Variants in PDE10A observed in about 807,000 individuals in gnomAD.
PDE10A encodes cAMP and cAMP-inhibited cGMP 3',5'-cyclic phosphodiesterase 10A.
Under a neutral mutation model 97.7 loss-of-function variants are expected in PDE10A, and 39 were observed. The ratio of observed to expected loss-of-function variants is 0.40; its 90% CI spans 0.31 to 0.52. PDE10A has a LOEUF of 0.52. Ranked by LOEUF, PDE10A falls within the 20% of genes least tolerant of loss-of-function variation. The probability of loss-of-function intolerance (pLI) is 0.56; values close to 1 mark genes in which losing one functional copy is unlikely to be tolerated. For synonymous variants in PDE10A, 371 were observed against 376.8 expected (o/e 0.98, Z 0.18); for missense variants, 731 against 1,047.8 (o/e 0.70, Z 4.17).
intron 1 of PDE10A, among the ~76,000 whole-genome samples, chr6:165,562,980 C>G (rs1343773084): frequency 6.6e-6 from 1 of 152,010 alleles, no homozygotes; most frequent in Admixed American, 6.6e-5. Flanking sequence ...TAAGAATTAT[C>G]CACAGAAAGC....
In PDE10A at chr6:165,432,966, G is replaced by A; in HGVS notation, c.1491+8C>T. 1 of 1,611,758 alleles carries A rather than the reference G, an allele frequency of 6.2e-7. No individual in the cohort carries two copies. Among genetic ancestry groups the A allele is most frequent in the Non-Finnish European group, 8.5e-7 (1 of 1,178,632 alleles). On this transcript the variant is annotated splice_region_variant and intron_variant, in intron 7 of 21. Transcript: ENST00000539869. ...AAAATTCTAACATGCAGCATTTAAA[G>A]GCCTTACCTCCTGGTGACTAAGACA... is the stretch of plus-strand genomic sequence containing the variant.
At chr6:165,766,423 C>T (rs1199659525) in intron 1 of PDE10A, among the ~76,000 whole-genome samples, 3 of 152,210 alleles carry the variant, frequency 2.0e-5, no homozygotes, top group Non-Finnish European at 4.4e-5. Context: ...CTTATCCTCA[C>T]TGTTAATTTG....
At chr6:165,406,067 G>GA (rs911339397) in intron 13 of PDE10A, among the ~76,000 whole-genome samples, 1 of 150,664 alleles carries the variant, frequency 6.6e-6, no homozygotes, top group Non-Finnish European at 1.5e-5. Flanking sequence ...ACCAAAAGAA[G>GA]AAAAAAAAAG....
intron 1 of PDE10A, among the ~76,000 whole-genome samples, chr6:165,812,916 A>T (rs1327438819): frequency 6.6e-6 from 1 of 152,186 alleles, no homozygotes; most frequent in Non-Finnish European, 1.5e-5. Flanking sequence ...TTCATGGACT[A>T]GAAATCCTGG....
chr6:165,744,506 C>T (rs550438726), intron 1 of PDE10A, among the ~76,000 whole-genome samples: 92 of 152,058 alleles, frequency 6.1e-4, no homozygotes, highest in African/African-American at 2.1e-3. Flanking sequence ...AGATAAGTGG[C>T]CTATACACAT....
intron 2 of PDE10A, among the ~76,000 whole-genome samples, chr6:165,485,594 CT>C (rs761374906): frequency 3.0e-3 from 416 of 138,984 alleles, no homozygotes; most frequent in Middle Eastern, 0.011. Context: ...TGACAGCATC[CT>C]TTTTTTTTTT....
chr6:165,477,393 C>T (rs1415831571), intron 3 of PDE10A, among the ~76,000 whole-genome samples: 1 of 152,136 alleles, frequency 6.6e-6, no homozygotes, highest in Non-Finnish European at 1.5e-5. Flanking sequence ...CCACTGAGCA[C>T]GGTGCCTGTG....
intron 18 of PDE10A, among the ~76,000 whole-genome samples, chr6:165,358,300 C>T (rs1399135945): frequency 6.7e-6 from 1 of 149,960 alleles, no homozygotes; most frequent in East Asian, 2.1e-4. Context: ...GGATATAAAA[C>T]TCTCCAACTA....
At chr6:165,858,323 G>A (rs1780806958) in intron 1 of PDE10A, among the ~76,000 whole-genome samples, 1 of 152,168 alleles carries the variant, frequency 6.6e-6, no homozygotes, top group African/African-American at 2.4e-5. Context: ...TGTTTTGAGG[G>A]AGTGCTCCCG....
Position 165,464,185 on chromosome 6 carries a change from T to TACAC in PDE10A, c.1024-13827_1024-13824dup, listed in dbSNP as rs769183918. Among the ~76,000 whole-genome samples the TACAC allele has an allele frequency of 6.6e-5, 10 of 152,184 alleles. No individual in the cohort carries two copies. The East Asian group carries it at 1.7e-3, about 26-fold the overall frequency. On this transcript the variant is annotated intron_variant, in intron 3 of 21. Coordinates refer to ENST00000539869, the MANE Select transcript of PDE10A (RefSeq NM_001385079.1). ...AACCGAGCTGGTCTCGGCATATACA[T>TACAC]ACACACACATACACACACAAACACA...
intron 1 of PDE10A, among the ~76,000 whole-genome samples, chr6:165,928,254 T>A (rs1398497163): frequency 6.6e-6 from 1 of 151,912 alleles, no homozygotes; most frequent in Admixed American, 6.6e-5. Flanking sequence ...TTCCCTGGAG[T>A]TGGTGATGAG....
chr6:165,636,399 A>G (rs1438119851), intron 1 of PDE10A, among the ~76,000 whole-genome samples: 1 of 152,272 alleles, frequency 6.6e-6, no homozygotes, highest in East Asian at 1.9e-4. Context: ...TTGCCAAGTT[A>G]CATTTATGAA....
intron 2 of PDE10A, among the ~76,000 whole-genome samples, chr6:165,537,742 A>G (rs1783178032): frequency 6.6e-6 from 1 of 151,934 alleles, no homozygotes; most frequent in African/African-American, 2.4e-5. Flanking sequence ...TCAGATCAAG[A>G]CATTCAACAC....
At chr6:165,944,602 T>C (rs555141215) in intron 1 of PDE10A, among the ~76,000 whole-genome samples, 1 of 152,336 alleles carries the variant, frequency 6.6e-6, no homozygotes, top group Non-Finnish European at 1.5e-5. Context: ...TTGTCACTAA[T>C]AAAGTTTTTG....
intron 3 of PDE10A, among the ~76,000 whole-genome samples, chr6:165,461,783 T>A (rs529894223): frequency 1.3e-5 from 2 of 152,248 alleles, no homozygotes; most frequent in African/African-American, 4.8e-5. Context: ...TTAACCCATG[T>A]TAATGCCTCT....
chr6:165,561,509 C>T (rs1049969635), intron 1 of PDE10A, among the ~76,000 whole-genome samples: 2 of 152,128 alleles, frequency 1.3e-5, no homozygotes, highest in African/African-American at 4.8e-5. Flanking sequence ...ATCACAAATA[C>T]ACCATCAGAA....
intron 3 of PDE10A, among the ~76,000 whole-genome samples, chr6:165,465,405 A>C (rs776967423): frequency 5.9e-5 from 9 of 152,202 alleles, no homozygotes; most frequent in Non-Finnish European, 1.2e-4. Context: ...CACTATGGGG[A>C]AAAGAGAAAA....
intron 1 of PDE10A, among the ~76,000 whole-genome samples, chr6:165,848,447 C>T (rs957678656): frequency 6.6e-6 from 1 of 152,182 alleles, no homozygotes. Flanking sequence ...AGAAGGCAGC[C>T]TTTGTACAAA....
chr6:165,799,713 A>G (rs6905324), intron 1 of PDE10A, among the ~76,000 whole-genome samples: 68,906 of 151,998 alleles, frequency 0.45, 15,765 homozygotes, highest in East Asian at 0.57. Flanking sequence ...GAAATTTTTT[A>G]GACTTATAAC....
Sources: gnomAD v4.1 joint callset for allele counts (sites outside exome capture counted in the v4.1 genomes callset) on GRCh38, gnomAD v4.1.1 for gene constraint, MANE v1.5 for transcripts, NCBI Gene and HGNC (gene_info 2026-07-23, HGNC 2026-07-21) for gene names.